The following TMPRSS11D variants were observed in gnomAD, a reference collection of about 807,000 sequenced individuals.
TMPRSS11D encodes transmembrane protease serine 11D.
Under a neutral mutation model 44.4 loss-of-function variants are expected in TMPRSS11D, and 32 were observed. That is an observed-to-expected ratio of 0.72 (90% confidence interval 0.54 to 0.97). TMPRSS11D has a LOEUF of 0.97. TMPRSS11D is among the 50% of genes least tolerant of loss of function. The probability of loss-of-function intolerance (pLI) is 0.00; values close to 1 mark genes in which losing one functional copy is unlikely to be tolerated. For synonymous variants in TMPRSS11D, 179 were observed against 177.9 expected, an observed-to-expected ratio of 1.01 and a Z score of -0.05; for missense variants, 446 against 502.6, an observed-to-expected ratio of 0.89 and a Z score of 1.08.
At chr4:67,848,078 A>C (rs1718399186) in intron 3 of TMPRSS11D, among the ~76,000 whole-genome samples, 1 of 152,250 alleles carries the variant, frequency 6.6e-6, no homozygotes, top group South Asian at 2.1e-4. Flanking sequence ...TTATGTGATA[A>C]GATTAATTTT....
chr4:67,849,299 C>T (rs1718437433), intron 3 of TMPRSS11D, among the ~76,000 whole-genome samples: 1 of 152,134 alleles, frequency 6.6e-6, no homozygotes, highest in South Asian at 2.1e-4. Context: ...TGTTTTGAAA[C>T]AGCCATGTAA....
chr4:67,879,129 A>G (rs1719261112), intron 1 of TMPRSS11D, among the ~76,000 whole-genome samples: 1 of 152,116 alleles, frequency 6.6e-6, no homozygotes, highest in Non-Finnish European at 1.5e-5. Context: ...GGGAATCATT[A>G]GCTTATGTAA....
At chr4:67,853,316 A>G (rs1718553507) in intron 3 of TMPRSS11D, among the ~76,000 whole-genome samples, 1 of 152,228 alleles carries the variant, frequency 6.6e-6, no homozygotes. Flanking sequence ...AGCCTGGATT[A>G]AGGAATATTC....
chr4:67,842,561 A>G lies in TMPRSS11D; in HGVS notation c.314T>C (p.Leu105Pro). ...NQFIRAHVAK[L>P]RQDGSGVRAD... is the part of the protein sequence containing the mutation. ...TTTTTTCTACAGTTCCACTCACCTC[A>G]GTTTGGCAACATGAGCTCTGATGAA... Residue 105 changes from leucine to proline, a missense_variant, in exon 4 of 10, where the codon CTG (leucine) becomes CCG (proline). By Grantham distance (98) the Leu-to-Pro change is moderately conservative (BLOSUM62 -3). Transcript: ENST00000283916. 6.2e-7 allele frequency: 1 copy of G among 1,611,788 alleles called. No homozygotes were observed. The highest frequency in any genetic ancestry group is 8.5e-7 in the Non-Finnish European group (1 of 1,179,322).
chr4:67,864,592 T>A (rs1718873431), intron 1 of TMPRSS11D, among the ~76,000 whole-genome samples: 1 of 151,870 alleles, frequency 6.6e-6, no homozygotes, highest in African/African-American at 2.4e-5. Context: ...AATGGCTGCA[T>A]GACAGAACTC....
Position 67,827,340 on chromosome 4 carries a change from C to T in TMPRSS11D, c.873G>A (p.Val291=), listed in dbSNP as rs750638469. 2.7e-5 allele frequency: 43 copies of T among 1,613,180 alleles called. No homozygotes were observed. The highest frequency in any genetic ancestry group is 3.4e-5 in the Non-Finnish European group (40 of 1,179,580). The change falls in exon 8 of 10, where the codon GTG becomes GTA. Residue 291 remains valine (V), a synonymous_variant. Coordinates refer to ENST00000283916, the MANE Select transcript of TMPRSS11D (RefSeq NM_004262.3). ...SVTFTKDIHS[V]CLPAATQNIP... is the part of the protein sequence containing the mutation. ...TATTCTGGGTAGCAGCTGGGAGACA[C>T]ACACTATGGATATCTTTGGTAAAGG... is the stretch of plus-strand genomic sequence containing the variant.
rs375545145 is a variant in TMPRSS11D at position 67,840,433 on chromosome 4, A to G, written c.318-2104T>C. ...GAGATTTTAGTGGGGGCACAGCCAA[A>G]CCATACCAAGGTGGAATCAAAGTAA... On this transcript the variant is annotated intron_variant, in intron 4 of 9. Coordinates refer to ENST00000283916, the MANE Select transcript of TMPRSS11D (RefSeq NM_004262.3). Among the ~76,000 whole-genome samples the G allele has an allele frequency of 2.1e-4, 32 of 152,304 alleles. No individual in the cohort carries two copies. The East Asian group carries it at 4.6e-3, about 22-fold the overall frequency.
intron 2 of TMPRSS11D, among the ~76,000 whole-genome samples, chr4:67,858,949 A>T (rs1489740926): frequency 6.6e-6 from 1 of 152,128 alleles, no homozygotes; most frequent in Non-Finnish European, 1.5e-5. Context: ...ATAATAATAA[A>T]AAATTAAACA....
chr4:67,843,180 T>C (rs1328383231), intron 3 of TMPRSS11D, among the ~76,000 whole-genome samples: 1 of 150,640 alleles, frequency 6.6e-6, no homozygotes, highest in African/African-American at 2.4e-5. Context: ...CATTAGTTGG[T>C]AATTTCTTTT....
intron 1 of TMPRSS11D, 46 bp from the exon 2 acceptor site, chr4:67,859,724 T>G: frequency 6.2e-7 from 1 of 1,606,896 alleles, no homozygotes; most frequent in South Asian, 1.1e-5. Context: ...TTCACTGATT[T>G]CATCCATCAT....
At chr4:67,834,319 A>G (rs1352292454) in intron 6 of TMPRSS11D, among the ~76,000 whole-genome samples, 1 of 152,172 alleles carries the variant, frequency 6.6e-6, no homozygotes, top group Non-Finnish European at 1.5e-5. Flanking sequence ...ATTAAGAGAT[A>G]CATGTGTTCC....
At chr4:67,847,085 G>A (rs1239051277) in intron 3 of TMPRSS11D, among the ~76,000 whole-genome samples, 2 of 151,934 alleles carry the variant, frequency 1.3e-5, no homozygotes, top group African/African-American at 4.8e-5. Flanking sequence ...TTGTATTTTT[G>A]TAGAGATGGG....
At position 67,827,273 on chromosome 4, in the gene TMPRSS11D, G is replaced by C; in HGVS notation, c.940C>G (p.Gln314Glu). ...STAYVTGWGA[Q>E]EYAGHTVPEL... is the part of the protein sequence containing the mutation. Reference sequence around the variant, plus strand: ...CCGAGACACTTACCAGCATATTCTTGAGCGCCCCATCCTGTTACATAAGCA... The same window carrying C: ...CCGAGACACTTACCAGCATATTCTTCAGCGCCCCATCCTGTTACATAAGCA... Residue 314 changes from glutamine (Q) to glutamate (E), a missense_variant, in exon 8 of 10, where the codon CAA becomes GAA. Transcript: ENST00000283916. The C allele has an allele frequency of 6.3e-7, 1 of 1,599,542 alleles. No individual in the cohort carries two copies. The highest frequency in any genetic ancestry group is 8.5e-7 in the Non-Finnish European group (1 of 1,175,252).
At chr4:67,861,560 A>C (rs1214174247) in intron 1 of TMPRSS11D, among the ~76,000 whole-genome samples, 1 of 152,068 alleles carries the variant, frequency 6.6e-6, no homozygotes, top group African/African-American at 2.4e-5. Context: ...GTAAGCGTGG[A>C]GTGAGAAGAA....
chr4:67,865,122 A>G (rs548593073), intron 1 of TMPRSS11D, among the ~76,000 whole-genome samples: 246 of 152,040 alleles, frequency 1.6e-3, no homozygotes, highest in African/African-American at 5.6e-3. Context: ...AGGCCACAAA[A>G]CAAGTCTGAA....
At chr4:67,843,724 C>T (rs1289765095) in intron 3 of TMPRSS11D, among the ~76,000 whole-genome samples, 5 of 151,952 alleles carry the variant, frequency 3.3e-5, no homozygotes, top group African/African-American at 1.2e-4. Context: ...GAGATCGAGA[C>T]CATCCTGGCT....
chr4:67,852,748 T>G (rs531560271), intron 3 of TMPRSS11D, among the ~76,000 whole-genome samples: 1 of 152,240 alleles, frequency 6.6e-6, no homozygotes, highest in East Asian at 1.9e-4. Context: ...CTGGGGGAAA[T>G]AAGTTCATTA....
intron 5 of TMPRSS11D, among the ~76,000 whole-genome samples, chr4:67,836,281 C>T (rs1718085633): frequency 1.3e-5 from 2 of 152,132 alleles, no homozygotes; most frequent in Non-Finnish European, 1.5e-5. Flanking sequence ...TGCACCTCTA[C>T]CTTACCAGAC....
intron 1 of TMPRSS11D, among the ~76,000 whole-genome samples, chr4:67,880,872 T>C (rs1206867517): frequency 2.0e-5 from 3 of 152,238 alleles, no homozygotes; most frequent in African/African-American, 7.2e-5. Context: ...TTCAAACCTC[T>C]GGCAAATGGA....
Sources: gnomAD v4.1 joint callset for allele counts (sites outside exome capture counted in the v4.1 genomes callset) on GRCh38, gnomAD v4.1.1 for gene constraint, MANE v1.5 for transcripts, NCBI Gene and HGNC (gene_info 2026-07-23, HGNC 2026-07-21) for gene names.